VEZT: variants seen among roughly 807,000 people sequenced by gnomAD.
The protein encoded by VEZT is vezatin.
A neutral mutation model predicts 79.9 loss-of-function variants in VEZT; 39 were observed. The observed-to-expected ratio is 0.49, with a 90% CI of 0.38 to 0.64. The LOEUF is 0.64. Among genes scored for constraint, VEZT ranks in the 30% least tolerant of loss-of-function variants. The probability of loss-of-function intolerance (pLI) is 0.00; values close to 1 mark genes in which losing one functional copy is unlikely to be tolerated. For synonymous variants in VEZT, 325 were observed against 327.6 expected (o/e 0.99, Z 0.09); for missense variants, 837 against 893.1 (o/e 0.94, Z 0.80).
chr12:95,283,477 G>A (rs544541692), intron 8 of VEZT, among the ~76,000 whole-genome samples: 2 of 152,288 alleles, frequency 1.3e-5, no homozygotes, highest in South Asian at 2.1e-4. Flanking sequence ...TGTAGTTGAT[G>A]TACTTGACCC....
chr12:95,230,628 G>A (rs2059153224), intron 1 of VEZT, among the ~76,000 whole-genome samples: 1 of 150,638 alleles, frequency 6.6e-6, no homozygotes, highest in Admixed American at 6.6e-5. Context: ...AATAAAGTTG[G>A]ATGTTATCTC....
intron 1 of VEZT, among the ~76,000 whole-genome samples, chr12:95,221,528 C>A: frequency 6.8e-6 from 1 of 146,508 alleles, no homozygotes. Flanking sequence ...AGTAAGATTC[C>A]ATCTCAAAAA....
chr12:95,227,133 CT>C (rs1213386477), intron 1 of VEZT, among the ~76,000 whole-genome samples: 1 of 152,112 alleles, frequency 6.6e-6, no homozygotes, highest in Non-Finnish European at 1.5e-5. Flanking sequence ...TCTCCAATTA[CT>C]TTAGAAAGGT....
intron 1 of VEZT, among the ~76,000 whole-genome samples, chr12:95,244,477 T>C (rs984893663): frequency 6.6e-6 from 1 of 152,152 alleles, no homozygotes; most frequent in African/African-American, 2.4e-5. Flanking sequence ...TGTTTGGGCT[T>C]CCTTAAATTC....
chr12:95,241,207 A>ATT (rs142458775), intron 1 of VEZT, among the ~76,000 whole-genome samples: 3 of 150,032 alleles, frequency 2.0e-5, no homozygotes, highest in South Asian at 4.2e-4. Flanking sequence ...TAATTTTTGT[A>ATT]TTTTTTTTTA....
At chr12:95,266,292 T>G in intron 4 of VEZT, 65 bp from the exon 5 acceptor site, 1 of 1,507,328 alleles carries the variant, frequency 6.6e-7, no homozygotes. Context: ...TTTTTACTGA[T>G]TAAAGTAATT....
intron 1 of VEZT, among the ~76,000 whole-genome samples, chr12:95,244,608 G>A (rs2061481933): frequency 6.8e-6 from 1 of 147,490 alleles, no homozygotes; most frequent in African/African-American, 2.5e-5. Context: ...TTTTTTCTGA[G>A]ACAAGATCTG....
chr12:95,269,367 C>T (rs1168288532), intron 5 of VEZT, among the ~76,000 whole-genome samples: 1 of 152,134 alleles, frequency 6.6e-6, no homozygotes, highest in African/African-American at 2.4e-5. Context: ...TATGCAGTAA[C>T]CCTTACTTTG....
At chr12:95,285,495 T>C (rs530029311) in intron 8 of VEZT, among the ~76,000 whole-genome samples, 3 of 152,188 alleles carry the variant, frequency 2.0e-5, no homozygotes, top group African/African-American at 7.2e-5. Flanking sequence ...CTTTTGTATA[T>C]GGGCCCAAAT....
rs560685926 is a variant in VEZT, at chr12:95,300,227, A to T, written c.1894A>T (p.Met632Leu). ...ACCCATAAGTAATTCAGAACCATCAATGAATTCAGATATGGGAAAAGTCAG... is the reference window on the plus strand; with the variant it reads ...ACCCATAAGTAATTCAGAACCATCATTGAATTCAGATATGGGAAAAGTCAG... Reference protein sequence around the residue: ...VEPISNSEPSMNSDMGKVSKN... With the variant: ...VEPISNSEPSLNSDMGKVSKN... Residue 632 changes from methionine (M) to leucine (L), a missense_variant, in exon 12 of 12, where the codon ATG (methionine) becomes TTG (leucine). Coordinates refer to ENST00000436874, the MANE Select transcript of VEZT (RefSeq NM_017599.4). The T allele has an allele frequency of 6.4e-7, 1 of 1,564,622 alleles. No individual in the cohort carries two copies. The highest frequency in any genetic ancestry group is 1.2e-5 in the South Asian group (1 of 84,746).
chr12:95,273,631 A>C (rs904051064), intron 6 of VEZT, among the ~76,000 whole-genome samples: 11 of 152,244 alleles, frequency 7.2e-5, no homozygotes, highest in African/African-American at 2.4e-4. Context: ...ATAGTTAAAA[A>C]AAATTTCAGA....
chr12:95,273,333 A>G (rs1207467254), intron 6 of VEZT, among the ~76,000 whole-genome samples: 3 of 152,208 alleles, frequency 2.0e-5, no homozygotes, highest in African/African-American at 7.2e-5. Flanking sequence ...ATAAATATGT[A>G]TGTATGTATT....
chr12:95,272,386 C>T (rs1310169642), intron 6 of VEZT, among the ~76,000 whole-genome samples: 1 of 152,022 alleles, frequency 6.6e-6, no homozygotes, highest in Non-Finnish European at 1.5e-5. Context: ...TTAGATAGAC[C>T]AGTGAGTAGA....
intron 7 of VEZT, 97 bp downstream of exon 7, chr12:95,274,986 A>G: frequency 8.5e-6 from 12 of 1,416,938 alleles, no homozygotes; most frequent in Non-Finnish European, 1.1e-5. Flanking sequence ...TGTTCCACTC[A>G]TTGTTTGCTG....
At chr12:95,250,303 A>ATTTT (rs202062093) in intron 1 of VEZT, among the ~76,000 whole-genome samples, 2 of 116,560 alleles carry the variant, frequency 1.7e-5, no homozygotes, top group Non-Finnish European at 3.4e-5. Context: ...TAATTTTTTA[A>ATTTT]TTTTTTTTTT....
At chr12:95,282,751 T>G in intron 8 of VEZT, 107 bp downstream of exon 8, 2 of 859,674 alleles carry the variant, frequency 2.3e-6, no homozygotes. Context: ...GAAACAAAAC[T>G]GAGGCATGAG....
chr12:95,235,933 G>C (rs1310507924), intron 1 of VEZT, among the ~76,000 whole-genome samples: 1 of 151,562 alleles, frequency 6.6e-6, no homozygotes, highest in African/African-American at 2.4e-5. Flanking sequence ...TCACTTCCTA[G>C]ATGGGATGGC....
chr12:95,236,249 C>T (rs983713746), intron 1 of VEZT, among the ~76,000 whole-genome samples: 1 of 152,170 alleles, frequency 6.6e-6, no homozygotes, highest in African/African-American at 2.4e-5. Flanking sequence ...AGCGAAACCC[C>T]GTCTCCACCC....
At chr12:95,295,476 A>G (rs1168043460) in intron 10 of VEZT, among the ~76,000 whole-genome samples, 1 of 152,126 alleles carries the variant, frequency 6.6e-6, no homozygotes, top group African/African-American at 2.4e-5. Context: ...TGCTTCTTTT[A>G]TCTCAGACTT....
Sources: allele counts gnomAD v4.1 joint callset (sites outside exome capture counted in the v4.1 genomes callset), GRCh38; gene constraint gnomAD v4.1.1; transcripts MANE v1.5; gene names NCBI Gene and HGNC (gene_info 2026-07-23, HGNC 2026-07-21).